The following ZNF536 variants were observed in gnomAD, a reference collection of about 807,000 sequenced individuals.
ZNF536 encodes the protein zinc finger protein 536.
In ZNF536, 13 loss-of-function variants were observed where a neutral mutation model predicts 84.5. The ratio of observed to expected loss-of-function variants is 0.15; its 90% CI spans 0.10 to 0.24. The LOEUF (loss-of-function observed/expected upper bound fraction) is 0.24, where lower values mean the gene tolerates loss of function less well. Ranked by LOEUF, ZNF536 falls within the 10% of genes least tolerant of loss-of-function variation. The pLI is 1.00. For synonymous variants in ZNF536, 811 were observed against 742.5 expected (o/e 1.09, Z -1.50); for missense variants, 1,536 against 1,747.5 (o/e 0.88, Z 2.16).
intron 3 of ZNF536, among the ~76,000 whole-genome samples, chr19:30,359,253 G>A (rs2048193457): frequency 6.6e-6 from 1 of 152,226 alleles, no homozygotes; most frequent in Non-Finnish European, 1.5e-5. Context: ...GGTGATTCCT[G>A]AGCACAGGGG....
At chr19:30,415,703 T>C (rs7255642) in intron 1 of ZNF536, among the ~76,000 whole-genome samples, 148,964 of 152,118 alleles carry the variant, frequency 0.98, 72,968 homozygotes, top group Non-Finnish European at 0.98. Context: ...CTCAGCCTCC[T>C]GGGTTCACAC....
intron 1 of ZNF536, among the ~76,000 whole-genome samples, chr19:30,672,023 A>G (rs899467225): frequency 3.9e-5 from 6 of 152,334 alleles, no homozygotes; most frequent in African/African-American, 1.2e-4. Flanking sequence ...AGCCAAGGCT[A>G]TGTCACTCAC....
intron 4 of ZNF536, chr19:30,555,514 C>A (rs573572235): frequency 1.3e-5 from 2 of 152,298 alleles, no homozygotes; most frequent in Admixed American, 6.5e-5. Flanking sequence ...TTTGTGATGA[C>A]CTCCCATCCC....
chr19:30,231,506 G>A (rs1470427748), intron 1 of ZNF536, among the ~76,000 whole-genome samples: 1 of 152,240 alleles, frequency 6.6e-6, no homozygotes, highest in Non-Finnish European at 1.5e-5. Context: ...GGCTGAGGCT[G>A]TGGAGGAGTT....
Position 30,444,594 on chromosome 19 carries a change from G to T in ZNF536, c.1032G>T (p.Glu344Asp). 6.2e-7 allele frequency: 1 copy of T among 1,613,862 alleles called. No homozygotes were observed. Among genetic ancestry groups the T allele is most frequent in the Non-Finnish European group, 8.5e-7 (1 of 1,180,042 alleles). ...GCGGTGGCGAGCAGTCGGCCAACGA[G>T]TTCCGCTGCGAGGTGTGCGGTCAGG... The part of the protein sequence containing the change: ...PNGGGEQSAN[E>D]FRCEVCGQVF... Residue 344 changes from glutamate to aspartate, a missense_variant, in exon 2 of 5, where the codon GAG (glutamate) becomes GAT (aspartate). Glu to Asp is a conservative substitution (Grantham distance 45). Transcript: ENST00000355537.
intron 2 of ZNF536, among the ~76,000 whole-genome samples, chr19:30,464,304 C>T (rs1031503557): frequency 6.6e-6 from 1 of 152,114 alleles, no homozygotes; most frequent in South Asian, 2.1e-4. Flanking sequence ...AGAAAGGCAC[C>T]CACACATTCT....
At chr19:30,509,401 T>A (rs2055317301) in intron 2 of ZNF536, among the ~76,000 whole-genome samples, 1 of 146,874 alleles carries the variant, frequency 6.8e-6, no homozygotes, top group Admixed American at 6.9e-5. Flanking sequence ...TATACATACA[T>A]AATTATATGT....
upstream of ZNF536, among the ~76,000 whole-genome samples, chr19:30,371,227 C>T (rs976894453): frequency 2.6e-5 from 4 of 152,134 alleles, no homozygotes; most frequent in Non-Finnish European, 2.9e-5. Flanking sequence ...TAAATATTAA[C>T]GCTGTATTGG....
intron 3 of ZNF536, among the ~76,000 whole-genome samples, chr19:30,354,910 G>A (rs949841901): frequency 1.3e-5 from 2 of 152,218 alleles, no homozygotes; most frequent in Non-Finnish European, 2.9e-5. Context: ...TGGGTTGGAA[G>A]TAGGCTAATT....
At chr19:30,246,936 C>T (rs2024313223) in intron 1 of ZNF536, among the ~76,000 whole-genome samples, 1 of 152,064 alleles carries the variant, frequency 6.6e-6, no homozygotes, top group South Asian at 2.1e-4. Context: ...GAATGGGTTC[C>T]TTGATGTAGA....
chr19:30,512,258 C>T (rs10412899), intron 2 of ZNF536, among the ~76,000 whole-genome samples: 3,178 of 152,178 alleles, frequency 0.021, 112 homozygotes, highest in African/African-American at 0.072. Flanking sequence ...TAGGGGACTG[C>T]GGAACACCTG....
intron 2 of ZNF536, among the ~76,000 whole-genome samples, chr19:30,489,716 A>G (rs1356981154): frequency 6.6e-6 from 1 of 152,260 alleles, no homozygotes; most frequent in Non-Finnish European, 1.5e-5. Context: ...ATTTAAATAA[A>G]TATGATTAGA....
At chr19:30,640,538 A>C (rs2049230830) in intron 1 of ZNF536, among the ~76,000 whole-genome samples, 1 of 152,130 alleles carries the variant, frequency 6.6e-6, no homozygotes, top group South Asian at 2.1e-4. Flanking sequence ...AGGACTGGCA[A>C]ATTGAGGTAT....
At chr19:30,530,595 C>T (rs2044765274) in intron 2 of ZNF536, among the ~76,000 whole-genome samples, 1 of 152,180 alleles carries the variant, frequency 6.6e-6, no homozygotes, top group African/African-American at 2.4e-5. Flanking sequence ...GATCTGCTGG[C>T]CTCGGCCTCC....
intron 1 of ZNF536, among the ~76,000 whole-genome samples, chr19:30,237,061 T>A (rs936068253): frequency 6.6e-6 from 1 of 151,466 alleles, no homozygotes; most frequent in Non-Finnish European, 1.5e-5. Context: ...TTTTTTCTTC[T>A]AGGCACTGCC....
chr19:30,446,248 C>CAAAAAAAAAAAAAAAAAAAAAAA (rs1177505634), intron 2 of ZNF536, among the ~76,000 whole-genome samples: 12 of 29,168 alleles, frequency 4.1e-4, no homozygotes, highest in Non-Finnish European at 5.7e-4. Context: ...GACACTGTCT[C>CAAAAAAAAAAAAAAAAAAAAAAA]AAAAAAAAAA....
chr19:30,313,100 A>G (rs2046560580), intron 2 of ZNF536, among the ~76,000 whole-genome samples: 4 of 152,192 alleles, frequency 2.6e-5, no homozygotes, highest in Non-Finnish European at 5.9e-5. Context: ...TGGCTTAGCG[A>G]GGTGACAAGG....
chr19:30,258,656 A>G (rs2025034432), intron 1 of ZNF536, among the ~76,000 whole-genome samples: 1 of 152,064 alleles, frequency 6.6e-6, no homozygotes, highest in Admixed American at 6.6e-5. Flanking sequence ...TCTTTAGTAC[A>G]TAAGTCATAT....
chr19:30,434,334 G>T (rs2051612248), intron 1 of ZNF536, among the ~76,000 whole-genome samples: 1 of 152,220 alleles, frequency 6.6e-6, no homozygotes, highest in Non-Finnish European at 1.5e-5. Context: ...TGCCATGTCT[G>T]CCCCACTTGA....
Sources: allele counts gnomAD v4.1 joint callset (sites outside exome capture counted in the v4.1 genomes callset), GRCh38; gene constraint gnomAD v4.1.1; transcripts MANE v1.5; gene names NCBI Gene and HGNC (gene_info 2026-07-23, HGNC 2026-07-21).